Variants in SLC30A4 observed in about 807,000 individuals in gnomAD.
The protein encoded by SLC30A4 is solute carrier family 30 member 4.
SLC30A4 carries 20 observed loss-of-function variants against 41.7 expected under a neutral mutation model. The ratio of observed to expected loss-of-function variants is 0.48; its 90% CI spans 0.34 to 0.70. The LOEUF (loss-of-function observed/expected upper bound fraction) is 0.70, where lower values mean the gene tolerates loss of function less well. Among genes scored for constraint, SLC30A4 ranks in the 30% least tolerant of loss-of-function variants. SLC30A4 has a pLI of 0.01. For synonymous variants in SLC30A4, 181 were observed against 195.9 expected (o/e 0.92, Z 0.64); for missense variants, 441 against 529.3 (o/e 0.83, Z 1.64).
chr15:45,498,671 GTCT>G (rs906314058), intron 3 of SLC30A4, among the ~76,000 whole-genome samples: 4 of 152,062 alleles, frequency 2.6e-5, no homozygotes, highest in African/African-American at 9.7e-5. Flanking sequence ...CCTCACTCAT[GTCT>G]TCTTTCAGCC....
Position 45,491,029 on chromosome 15 carries a change from A to AT in SLC30A4, c.539-149dup, listed in dbSNP as rs1181701550. On this transcript the variant is annotated intron_variant, in intron 3 of 7. Transcript: ENST00000261867. ...TTCTGTCACGTCATTTTTCTTATTTATTTTTTTGAGACAGGGTCTCACTCT... is the reference window on the plus strand; with the variant it reads ...TTCTGTCACGTCATTTTTCTTATTTATTTTTTTTGAGACAGGGTCTCACTCT... 1.7e-5 allele frequency: 9 copies of AT among 545,198 alleles called. No individual in the cohort carries two copies. The East Asian group carries it at 2.2e-4, about 13-fold the overall frequency. The allele number at this position is 545,198 out of a possible 1,614,324, so 33.8% of individuals were successfully genotyped here.
intron 2 of SLC30A4, chr15:45,520,909 T>C: frequency 2.6e-6 from 1 of 392,110 alleles, no homozygotes; most frequent in South Asian, 2.0e-5. Context: ...GCCACTGAGA[T>C]AGAAGGACCA....
chr15:45,503,477 A>G (rs1892083863), intron 3 of SLC30A4, among the ~76,000 whole-genome samples: 1 of 151,854 alleles, frequency 6.6e-6, no homozygotes, highest in African/African-American at 2.4e-5. Context: ...TTAGCTGGGC[A>G]TGGTGGTGGG....
In SLC30A4 at chr15:45,514,687, A is replaced by G. The variant is rs529224838; in HGVS notation, c.392-3403T>C. Among the ~76,000 whole-genome samples the G allele has an allele frequency of 1.2e-4, 17 of 146,462 alleles. No homozygotes were observed. In the Admixed American group the frequency reaches 1.2e-3, roughly 10 times the overall value. ...GCGCCACCACGCCCGGCTAATTTTT[A>G]TATTTTTAGTAGAGATGGTGTATCA... On this transcript the variant is annotated intron_variant, in intron 2 of 7. Transcript: ENST00000261867.
intron 2 of SLC30A4, among the ~76,000 whole-genome samples, chr15:45,516,936 T>C (rs1394898720): frequency 1.3e-5 from 2 of 152,072 alleles, no homozygotes; most frequent in African/African-American, 4.8e-5. Context: ...GTTTATCGTA[T>C]AAGAGAGGCA....
intron 2 of SLC30A4, among the ~76,000 whole-genome samples, chr15:45,517,817 G>C (rs1322215325): frequency 1.3e-5 from 2 of 151,916 alleles, no homozygotes; most frequent in Non-Finnish European, 2.9e-5. Flanking sequence ...GCGCGGTGGG[G>C]GGCGCCTGTA....
chr15:45,492,913 T>C (rs1270861111), intron 3 of SLC30A4, among the ~76,000 whole-genome samples: 1 of 152,180 alleles, frequency 6.6e-6, no homozygotes, highest in African/African-American at 2.4e-5. Flanking sequence ...TTTTACTATA[T>C]AAATATGAAG....
At chr15:45,490,610 T>G in intron 4 of SLC30A4, 118 bp downstream of exon 4, 1 of 615,266 alleles carries the variant, frequency 1.6e-6, no homozygotes, top group Non-Finnish European at 2.7e-6. Context: ...TCAGAAAAGT[T>G]AATGAGTTAT....
Position 45,490,756 on chromosome 15 carries a change from C to G in SLC30A4, c.664G>C (p.Ala222Pro). Residue 222 changes from alanine (A) to proline (P), a missense_variant, in exon 4 of 8, where the codon GCA (alanine) becomes CCA (proline). By Grantham distance (27) the Ala-to-Pro change is conservative. Around this residue, in one of 3 missense-constraint regions of SLC30A4, gnomAD observed 312 missense variants for 341.9 expected, o/e 0.91. Transcript: ENST00000261867. ...EINGDIMLIT[A>P]AVGVAVNVIM... ...ACATTAACTGCAACTCCAACAGCTG[C>G]GGTGATGAGCATTATATCTCCATTT... 3 of 1,605,700 alleles carry G rather than the reference C, an allele frequency of 1.9e-6. No homozygotes were observed. The highest frequency in any genetic ancestry group is 2.6e-6 in the Non-Finnish European group (3 of 1,176,250).
intron 5 of SLC30A4, among the ~76,000 whole-genome samples, chr15:45,487,972 T>TCAGAGCTGGAAAGAA (rs1361801873): frequency 3.1e-5 from 4 of 127,648 alleles, no homozygotes; most frequent in African/African-American, 2.0e-4. Flanking sequence ...TGTGTGTGTG[T>TCAGAGCTGGAAAGAA]GTGTGTGTGT....
At chr15:45,504,353 G>A (rs756427445) in intron 3 of SLC30A4, among the ~76,000 whole-genome samples, 8 of 152,094 alleles carry the variant, frequency 5.3e-5, no homozygotes, top group Non-Finnish European at 1.0e-4. Context: ...AAAAATCAGT[G>A]TCAAAAATAT....
At position 45,486,897 on chromosome 15, in the gene SLC30A4, G is replaced by A; in HGVS notation, c.1001-152C>T. 6 of 483,652 alleles carry A rather than the reference G, an allele frequency of 1.2e-5. No individual in the cohort carries two copies. In the South Asian group the frequency reaches 2.0e-4, roughly 16 times the overall value. 30.0% of individuals were successfully genotyped at this position (483,652 alleles called of 1,614,324 possible). A position where few individuals can be genotyped will look rare whatever the true frequency, so the allele number is the denominator to read the frequency against. ...ATATTAATACTTCAAGATAAACCAT[G>A]TACACATATATTTTTATTAAAAATG... On this transcript the variant is annotated intron_variant, in intron 6 of 7. Transcript: ENST00000261867.
chr15:45,518,573 C>A (rs1222301057), intron 2 of SLC30A4, among the ~76,000 whole-genome samples: 1 of 143,166 alleles, frequency 7.0e-6, no homozygotes, highest in Non-Finnish European at 1.5e-5. Context: ...ATTTTTTTTC[C>A]CTTCTTTTTG....
intron 3 of SLC30A4, among the ~76,000 whole-genome samples, chr15:45,501,040 G>A (rs1892019694): frequency 6.7e-6 from 1 of 148,782 alleles, no homozygotes; most frequent in Non-Finnish European, 1.5e-5. Flanking sequence ...AGGTGCGGTG[G>A]CTCACGCCTG....
At chr15:45,511,387 C>G (rs1764467441) in intron 2 of SLC30A4, 103 bp from the exon 3 acceptor site, 2 of 717,994 alleles carry the variant, frequency 2.8e-6, no homozygotes, top group African/African-American at 1.8e-5. Flanking sequence ...GAACTTCTAA[C>G]TAAATCTTTA....
chr15:45,488,791 A>T lies in SLC30A4; in HGVS notation c.894+50T>A, dbSNP rs1051193520. 4.1e-6 allele frequency: 6 copies of T among 1,454,694 alleles called. No homozygotes were observed. The African/African-American group carries it at 8.4e-5, about 20-fold the overall frequency. The allele number at this position is 1,454,694 out of a possible 1,614,324, so 90.1% of individuals were successfully genotyped here. A position where few individuals can be genotyped will look rare whatever the true frequency, so the allele number is the denominator to read the frequency against. ...GATATGACAATCAGCCTTAGTTTTC[A>T]TGTTGAAATTAAGTACATTTTAAAA... On this transcript the variant is annotated intron_variant, in intron 5 of 7. Coordinates refer to ENST00000261867, the MANE Select transcript of SLC30A4 (RefSeq NM_013309.6).
chr15:45,516,799 G>A (rs1162528009), intron 2 of SLC30A4, among the ~76,000 whole-genome samples: 3 of 151,844 alleles, frequency 2.0e-5, no homozygotes, highest in Non-Finnish European at 2.9e-5. Context: ...GAATCCGGGA[G>A]GTGGAGGCTG....
chr15:45,498,331 G>A (rs1003248693), intron 3 of SLC30A4, among the ~76,000 whole-genome samples: 26 of 152,090 alleles, frequency 1.7e-4, no homozygotes, highest in African/African-American at 5.8e-4. Context: ...ACTAGTACAC[G>A]TTGAGCACCC....
chr15:45,493,916 C>A (rs1412062762), intron 3 of SLC30A4, among the ~76,000 whole-genome samples: 1 of 152,030 alleles, frequency 6.6e-6, no homozygotes, highest in African/African-American at 2.4e-5. Flanking sequence ...CATTTCTATT[C>A]AAAAACCATG....
Sources: allele counts gnomAD v4.1 joint callset (sites outside exome capture counted in the v4.1 genomes callset), GRCh38; gene constraint gnomAD v4.1.1; regional missense constraint gnomAD v4.1.1; transcripts MANE v1.5; gene names NCBI Gene and HGNC (gene_info 2026-07-23, HGNC 2026-07-21).